The following SLC25A53 variants were observed in gnomAD, a reference collection of about 807,000 sequenced individuals.
SLC25A53 encodes the protein mitochondrial carrier triple repeat protein 6.
A neutral mutation model predicts 15.0 loss-of-function variants in SLC25A53; 5 were observed. The ratio of observed to expected loss-of-function variants is 0.33; its 90% CI spans 0.17 to 0.70. The LOEUF is 0.70. Among genes scored for constraint, SLC25A53 ranks in the 30% least tolerant of loss-of-function variants. The pLI is 0.67. For synonymous variants in SLC25A53, 95 were observed against 100.0 expected (o/e 0.95, Z 0.30); for missense variants, 216 against 241.6 (o/e 0.89, Z 0.70).
chrX:104,143,218 A>G (rs1008644053), intron 1 of SLC25A53, among the ~76,000 whole-genome samples: 5 of 111,691 alleles, frequency 4.5e-5, no homozygotes, highest in African/African-American at 1.6e-4. Flanking sequence ...ACAACTCCTC[A>G]CCAGCAGGGA....
intron 1 of SLC25A53, among the ~76,000 whole-genome samples, chrX:104,106,937 C>G (rs2075313884): frequency 9.4e-6 from 1 of 106,566 alleles, no homozygotes; most frequent in African/African-American, 3.5e-5. Context: ...CCCCATTGCT[C>G]CATCCATATC....
At chrX:104,117,495 A>T (rs2075381321) in intron 1 of SLC25A53, among the ~76,000 whole-genome samples, 1 of 110,696 alleles carries the variant, frequency 9.0e-6, no homozygotes, top group South Asian at 3.9e-4. Context: ...TTAGCTGAGA[A>T]CTGAGCAGGA....
intron 1 of SLC25A53, among the ~76,000 whole-genome samples, chrX:104,119,495 G>A (rs1420192210): frequency 9.0e-6 from 1 of 111,418 alleles, no homozygotes; most frequent in Non-Finnish European, 1.9e-5. Flanking sequence ...GGGCAGGGCT[G>A]GCAACAAATA....
intron 1 of SLC25A53, among the ~76,000 whole-genome samples, chrX:104,138,370 A>G (rs2075442280): frequency 8.9e-6 from 1 of 112,491 alleles, no homozygotes; most frequent in African/African-American, 3.2e-5. Context: ...GTTCTCTCGT[A>G]CCCCTTGCAG....
chrX:104,114,774 T>C (rs781904134), intron 1 of SLC25A53: 2 of 1,211,151 alleles, frequency 1.7e-6, no homozygotes, highest in Non-Finnish European at 2.2e-6. Flanking sequence ...AGGAAGAGGA[T>C]TGGGATGATG....
At chrX:104,145,838 G>A (rs143027734) in intron 1 of SLC25A53, among the ~76,000 whole-genome samples, 4,313 of 111,798 alleles carry the variant, frequency 0.039, 174 homozygotes, top group African/African-American at 0.13. Context: ...ACCAAAATAA[G>A]TTCAGGACCA....
At chrX:104,143,858 A>G (rs5962264) in intron 1 of SLC25A53, among the ~76,000 whole-genome samples, 5,120 of 111,618 alleles carry the variant, frequency 0.046, 265 homozygotes, top group African/African-American at 0.16. Flanking sequence ...GAGAAAGGTC[A>G]GGTTACCCAC....
chrX:104,142,753 A>G (rs2147878459), intron 1 of SLC25A53, among the ~76,000 whole-genome samples: 1 of 106,467 alleles, frequency 9.4e-6, no homozygotes, highest in Admixed American at 1.0e-4. Flanking sequence ...GTCTCTACTA[A>G]AACTACAAAA....
intron 1 of SLC25A53, among the ~76,000 whole-genome samples, chrX:104,108,326 A>G (rs1346390741): frequency 9.0e-6 from 1 of 111,653 alleles, no homozygotes; most frequent in Non-Finnish European, 1.9e-5. Flanking sequence ...TGTGGCAGAG[A>G]TTAATAACAT....
intron 1 of SLC25A53, among the ~76,000 whole-genome samples, chrX:104,110,183 T>C (rs782129282): frequency 8.9e-6 from 1 of 111,805 alleles, no homozygotes; most frequent in African/African-American, 3.3e-5. Flanking sequence ...CCTAATTTGG[T>C]GATAAAGCCA....
intron 1 of SLC25A53, among the ~76,000 whole-genome samples, chrX:104,144,172 T>C (rs2075459084): frequency 8.9e-6 from 1 of 111,914 alleles, no homozygotes; most frequent in Non-Finnish European, 1.9e-5. Context: ...CCATCGACGC[T>C]ATGAAGAAAC....
chrX:104,139,927 T>G (rs1187589914), intron 1 of SLC25A53, among the ~76,000 whole-genome samples: 1 of 113,429 alleles, frequency 8.8e-6, no homozygotes, highest in Non-Finnish European at 1.9e-5. Flanking sequence ...TATTGATGCA[T>G]TCTCTCATTT....
rs2016113615 is a variant in SLC25A53 at position 104,100,942 on chromosome X, A to ATAT, written c.*3389_*3391dup. 9.0e-6 allele frequency: 1 copy of ATAT among 111,202 alleles called. No homozygotes were observed. The highest frequency in any genetic ancestry group is 3.3e-5 in the African/African-American group (1 of 30,561). The allele number at this position is 111,202 out of a possible 1,213,427, so 9.2% of individuals were successfully genotyped here. ...ACACAATCTACCTGGAGATAGCGTC[A>ATAT]TATCCCACAAGCTGAGGACTAGGTT... On this transcript the variant is annotated 3_prime_UTR_variant, in exon 2 of 2. Coordinates refer to ENST00000594199, the MANE Select transcript of SLC25A53 (RefSeq NM_001012755.5).
intron 1 of SLC25A53, among the ~76,000 whole-genome samples, chrX:104,107,203 C>A (rs2075315943): frequency 9.0e-6 from 1 of 111,662 alleles, no homozygotes; most frequent in South Asian, 3.8e-4. Context: ...CTCACTTTAC[C>A]ACCACGCCCC....
chrX:104,117,110 G>A (rs1402726629), intron 1 of SLC25A53, among the ~76,000 whole-genome samples: 3 of 56,306 alleles, frequency 5.3e-5, no homozygotes, highest in East Asian at 5.6e-4. Flanking sequence ...ATTCCTATCC[G>A]CCCTGCTCCA....
intron 1 of SLC25A53, among the ~76,000 whole-genome samples, chrX:104,109,207 A>G (rs1192372628): frequency 1.8e-5 from 2 of 111,354 alleles, no homozygotes; most frequent in Non-Finnish European, 3.8e-5. Context: ...TGAGAAGGAA[A>G]TAGAGCTGTG....
chrX:104,138,827 G>A (rs1044086026), intron 1 of SLC25A53, among the ~76,000 whole-genome samples: 2 of 111,607 alleles, frequency 1.8e-5, no homozygotes, highest in Non-Finnish European at 3.8e-5. Context: ...GCCTGCCGGC[G>A]TGCTGGTAAC....
intron 1 of SLC25A53, among the ~76,000 whole-genome samples, chrX:104,125,139 C>T (rs1024109603): frequency 1.8e-5 from 2 of 110,597 alleles, no homozygotes; most frequent in Non-Finnish European, 3.8e-5. Flanking sequence ...GCCACCACGC[C>T]GGGCCAAAAA....
At chrX:104,142,080 A>G (rs2075452091) in intron 1 of SLC25A53, among the ~76,000 whole-genome samples, 1 of 111,473 alleles carries the variant, frequency 9.0e-6, no homozygotes, top group Non-Finnish European at 1.9e-5. Context: ...CCCTGTCTGT[A>G]CAAAAAACAC....
Sources: gnomAD v4.1 joint callset for allele counts (sites outside exome capture counted in the v4.1 genomes callset) on GRCh38, gnomAD v4.1.1 for gene constraint, MANE v1.5 for transcripts, NCBI Gene and HGNC (gene_info 2026-07-23, HGNC 2026-07-21) for gene names.